ATP2B2: variants seen among roughly 807,000 people sequenced by gnomAD.
The protein encoded by ATP2B2 is plasma membrane calcium-transporting ATPase 2.
ATP2B2 carries 15 observed loss-of-function variants against 120.0 expected under a neutral mutation model. The ratio of observed to expected loss-of-function variants is 0.12; its 90% confidence interval spans 0.08 to 0.19. The LOEUF is 0.19. ATP2B2 is among the 10% of genes least tolerant of loss of function. The pLI, the probability that ATP2B2 is intolerant of heterozygous loss-of-function variation, is 1.00. For missense variants in ATP2B2, 1,045 were observed against 1,719.8 expected, an observed-to-expected ratio of 0.61 and a Z score of 6.94; for synonymous variants, 694 against 700.3, an observed-to-expected ratio of 0.99 and a Z score of 0.14.
chr3:10,479,536 T>C (rs552452016), intron 1 of ATP2B2, among the ~76,000 whole-genome samples: 1 of 152,164 alleles, frequency 6.6e-6, no homozygotes, highest in South Asian at 2.1e-4. Context: ...ATTGTTTGAT[T>C]TTAGATCACT....
Position 10,370,675 on chromosome 3 carries a change from G to C in ATP2B2, c.1659+1134C>G, listed in dbSNP as rs566582947. The stretch of plus-strand genomic sequence containing the variant: ...TGACTCACGCTCTCTTCCCCATTTC[G>C]ATAAAGCTGCTAGCAGCTCCTACAA... On this transcript the variant is annotated intron_variant, in intron 12 of 22. Coordinates refer to ENST00000360273, the MANE Select transcript of ATP2B2 (RefSeq NM_001001331.4). Among the ~76,000 whole-genome samples, 204 of 152,274 alleles carry C rather than the reference G, an allele frequency of 1.3e-3. No individual in the cohort carries two copies. In the Middle Eastern group the frequency reaches 0.031, roughly 23 times the overall value.
rs1553616064 is a variant in ATP2B2 at position 10,486,324 on chromosome 3, C to CGT, written c.-320+19139_-320+19140dup. ...AACAGCAGCCAGGTGTGTGTGCGTG[C>CGT]GTGTGTGTGTGTGTGTGTGTGTGTG... On this transcript the variant is annotated intron_variant, in intron 1 of 22. Transcript: ENST00000360273. Among the ~76,000 whole-genome samples, 233 of 117,158 alleles carry CGT rather than the reference C, an allele frequency of 2.0e-3. 3 individuals are homozygous for CGT. The highest frequency in any genetic ancestry group is 0.013 in the Middle Eastern group (3 of 230). 76.9% of individuals were successfully genotyped at this position (117,158 alleles called of 152,430 possible).
intron 1 of ATP2B2, among the ~76,000 whole-genome samples, chr3:10,627,663 A>T (rs1195856182): frequency 1.3e-5 from 2 of 152,144 alleles, no homozygotes; most frequent in African/African-American, 4.8e-5. Flanking sequence ...CAGTCGGTGA[A>T]CCGCAAGGGA....
At chr3:10,406,978 G>T (rs547697441) in intron 3 of ATP2B2, among the ~76,000 whole-genome samples, 1 of 152,308 alleles carries the variant, frequency 6.6e-6, no homozygotes, top group South Asian at 2.1e-4. Context: ...GGGGTGGTCA[G>T]CCCTGTAGTG....
intron 2 of ATP2B2, among the ~76,000 whole-genome samples, chr3:10,573,581 GT>G (rs1212304313): frequency 1.3e-5 from 2 of 152,180 alleles, no homozygotes; most frequent in African/African-American, 4.8e-5. Context: ...CCCCATCCAG[GT>G]TTTGATCCCA....
chr3:10,386,678 T>A (rs918170046), intron 6 of ATP2B2, among the ~76,000 whole-genome samples, 166 bp from the exon 7 acceptor site: 10 of 152,152 alleles, frequency 6.6e-5, no homozygotes, highest in Non-Finnish European at 1.5e-4. Context: ...ATGTTCCTAG[T>A]GGAGGTGATG....
intron 1 of ATP2B2, among the ~76,000 whole-genome samples, chr3:10,660,379 G>A (rs1218889173): frequency 6.6e-6 from 1 of 151,766 alleles, no homozygotes; most frequent in African/African-American, 2.4e-5. Context: ...AAAGAGAGAA[G>A]AATCAAATAG....
In ATP2B2 at chr3:10,566,734, G is replaced by T. The variant is rs2125538163; in HGVS notation, c.-414-32601C>A. ...AGTTACTAACACAGACAGGGTGGCTGTAACAGCAGTGGGACCTGAGTGACA... is the reference window on the plus strand; with the variant it reads ...AGTTACTAACACAGACAGGGTGGCTTTAACAGCAGTGGGACCTGAGTGACA... On this transcript the variant is annotated intron_variant, in intron 2 of 21. Transcript: ENST00000646379. Among the ~76,000 whole-genome samples the T allele has an allele frequency of 1.3e-5, 2 of 152,338 alleles. 1 individual carries two copies. Among genetic ancestry groups the T allele is most frequent in the South Asian group, 4.2e-4 (2 of 4,812 alleles).
chr3:10,596,036 C>G (rs11925215), intron 2 of ATP2B2, among the ~76,000 whole-genome samples: 2 of 152,044 alleles, frequency 1.3e-5, no homozygotes, highest in Non-Finnish European at 2.9e-5. Flanking sequence ...GTAAGCTGCC[C>G]GCTTGTCACT....
chr3:10,342,679 T>G lies in ATP2B2; in HGVS notation c.2917+73A>C. On this transcript the variant is annotated intron_variant, in intron 19 of 22. Transcript: ENST00000360273. This position sits in a 1 kb window ranked among gnomAD's most constrained non-coding sequence, Gnocchi z 4.4. ...GGAGGGGGTTGTGACTCGAGAATGCTGGGTGAGAGCCATGGTGCACCCAGA... is the reference window on the plus strand; with the variant it reads ...GGAGGGGGTTGTGACTCGAGAATGCGGGGTGAGAGCCATGGTGCACCCAGA... The G allele has an allele frequency of 7.1e-6, 11 of 1,549,642 alleles. No individual in the cohort carries two copies. The South Asian group carries it at 1.1e-4, about 16-fold the overall frequency.
chr3:10,340,173 G>C lies in ATP2B2; in HGVS notation c.3237+69C>G. 1 of 1,482,596 alleles carries C rather than the reference G, an allele frequency of 6.7e-7. No homozygotes were observed. Among genetic ancestry groups the C allele is most frequent in the Non-Finnish European group, 9.4e-7 (1 of 1,067,980 alleles). The allele number at this position is 1,482,596 out of a possible 1,614,324, so 91.8% of individuals were successfully genotyped here. ...TGGCAGCCCATTCCTGGGGGTCCTGGATTCTCCATCCAGTGCTGTCTCCCT... is the reference window on the plus strand; with the variant it reads ...TGGCAGCCCATTCCTGGGGGTCCTGCATTCTCCATCCAGTGCTGTCTCCCT... On this transcript the variant is annotated intron_variant, in intron 21 of 22. Coordinates refer to ENST00000360273, the MANE Select transcript of ATP2B2 (RefSeq NM_001001331.4). This position sits in a 1 kb window ranked among gnomAD's most constrained non-coding sequence, Gnocchi z 5.0.
intron 1 of ATP2B2, among the ~76,000 whole-genome samples, chr3:10,456,624 C>G (rs982648889): frequency 6.6e-6 from 1 of 152,370 alleles, no homozygotes; most frequent in East Asian, 1.9e-4. Flanking sequence ...CGCTCCCAGA[C>G]CAGCATGTAC....
chr3:10,529,256 C>G (rs550083987), intron 3 of ATP2B2, among the ~76,000 whole-genome samples: 2 of 152,232 alleles, frequency 1.3e-5, no homozygotes, highest in African/African-American at 4.8e-5. Context: ...CTTTCTCTCA[C>G]GCTTTGAAGA....
chr3:10,496,037 A>G (rs532148271), intron 1 of ATP2B2, among the ~76,000 whole-genome samples: 19 of 152,208 alleles, frequency 1.2e-4, no homozygotes, highest in Non-Finnish European at 2.6e-4. Flanking sequence ...ATTGATTTGC[A>G]TTCTATGCCC....
intron 2 of ATP2B2, among the ~76,000 whole-genome samples, chr3:10,596,368 T>C (rs965971410): frequency 6.6e-6 from 1 of 152,278 alleles, no homozygotes; most frequent in Non-Finnish European, 1.5e-5. Context: ...TCCAGCATCA[T>C]GTGCAGTGTA....
intron 16 of ATP2B2, among the ~76,000 whole-genome samples, chr3:10,348,861 G>C (rs1268763882): frequency 1.3e-5 from 2 of 152,232 alleles, no homozygotes; most frequent in African/African-American, 2.4e-5. Flanking sequence ...CACCTGGCAG[G>C]ACCTCAGTAA....
intron 1 of ATP2B2, among the ~76,000 whole-genome samples, chr3:10,482,439 C>T (rs1356792206): frequency 2.0e-5 from 3 of 152,246 alleles, no homozygotes; most frequent in Non-Finnish European, 4.4e-5. Flanking sequence ...TCAATTGCCA[C>T]CTTTGGGCCA....
chr3:10,472,068 G>A (rs943160689), intron 1 of ATP2B2, among the ~76,000 whole-genome samples: 6 of 129,400 alleles, frequency 4.6e-5, no homozygotes, highest in Admixed American at 8.0e-5. Context: ...GCCACAGAGC[G>A]AGACTCCGTC....
rs1220751372 is a variant in ATP2B2, at chr3:10,683,758, G to GTGTA, written c.-460+24153_-460+24156dup. On this transcript the variant is annotated intron_variant, in intron 1 of 21. Coordinates refer to the ATP2B2 transcript ENST00000646379. ...TATATGTGTATATATATGTGTGTGT[G>GTGTA]TGTATATATATATATATATATATAT... 2.3e-3 allele frequency among the ~76,000 whole-genome samples: 76 copies of GTGTA among 33,632 alleles called. 2 individuals are homozygous for GTGTA. The highest frequency in any genetic ancestry group is 0.015 in the East Asian group (24 of 1,554). 22.1% of individuals were successfully genotyped at this position (33,632 alleles called of 152,430 possible). A position where few individuals can be genotyped will look rare whatever the true frequency, so the allele number is the denominator to read the frequency against.
Sources: allele counts gnomAD v4.1 joint callset (sites outside exome capture counted in the v4.1 genomes callset), GRCh38; gene constraint gnomAD v4.1.1; non-coding constraint Gnocchi (gnomAD v3.1); transcripts MANE v1.5; gene names NCBI Gene and HGNC (gene_info 2026-07-23, HGNC 2026-07-21).